F2RL1: variants seen among roughly 807,000 people sequenced by gnomAD.
The protein encoded by F2RL1 is F2R like trypsin receptor 1.
F2RL1 carries 16 observed loss-of-function variants against 21.7 expected under a neutral mutation model. The observed-to-expected ratio is 0.74, with a 90% CI of 0.50 to 1.12. The LOEUF is 1.12. Ranked by LOEUF, F2RL1 falls within the 50% of genes most tolerant of loss-of-function variation. The pLI, the probability that F2RL1 is intolerant of heterozygous loss-of-function variation, is 0.00. For synonymous variants in F2RL1, 181 were observed against 186.7 expected (o/e 0.97, Z 0.25); for missense variants, 432 against 477.8 (o/e 0.90, Z 0.89).
intron 1 of F2RL1, among the ~76,000 whole-genome samples, chr5:76,822,742 C>A (rs1580930685): frequency 6.6e-6 from 1 of 152,148 alleles, no homozygotes; most frequent in South Asian, 2.1e-4. Flanking sequence ...TAGGGAGGGG[C>A]ACCCCACAAT....
chr5:76,824,468 A>G (rs1288061926), intron 1 of F2RL1, among the ~76,000 whole-genome samples: 1 of 151,996 alleles, frequency 6.6e-6, no homozygotes, highest in Non-Finnish European at 1.5e-5. Context: ...AGCTGGGATT[A>G]CAGGTGCCCG....
chr5:76,829,839 A>G (rs1230515742), intron 1 of F2RL1, among the ~76,000 whole-genome samples: 2 of 152,174 alleles, frequency 1.3e-5, no homozygotes, highest in Non-Finnish European at 2.9e-5. Flanking sequence ...TATGTGGAAT[A>G]TGGTTCTTAG....
At position 76,833,372 on chromosome 5, in the gene F2RL1, C is replaced by T. The variant is rs1392119376; in HGVS notation, c.765C>T (p.Ala255=). 1.9e-6 allele frequency: 3 copies of T among 1,614,030 alleles called. No individual in the cohort carries two copies. The part of the protein sequence containing the change: ...SLAIGVFLFP[A]FLTASAYVLM... ...CCATTGGGGTCTTTCTGTTCCCAGC[C>T]TTCCTCACAGCCTCTGCCTATGTGC... The change falls in exon 2 of 2, where the codon GCC becomes GCT. Residue 255 remains alanine, a synonymous_variant. Coordinates refer to ENST00000296677, the MANE Select transcript of F2RL1 (RefSeq NM_005242.6).
chr5:76,820,571 C>T (rs976746142), intron 1 of F2RL1, among the ~76,000 whole-genome samples: 3 of 152,018 alleles, frequency 2.0e-5, no homozygotes, highest in African/African-American at 7.3e-5. Context: ...GTAATGGACA[C>T]CTCTCCTCTA....
chr5:76,819,908 A>T (rs2243073), intron 1 of F2RL1, among the ~76,000 whole-genome samples: 10,465 of 152,158 alleles, frequency 0.069, 516 homozygotes, highest in Non-Finnish European at 0.1. Flanking sequence ...CCGGGGTATG[A>T]AAGTCAGGGC....
At position 76,834,615 on chromosome 5, in the gene F2RL1, C is replaced by A. The variant is rs1750425314; in HGVS notation, c.*814C>A. 1 of 152,170 alleles carries A rather than the reference C, an allele frequency of 6.6e-6. No homozygotes were observed. The highest frequency in any genetic ancestry group is 2.4e-5 in the African/African-American group (1 of 41,446). 9.4% of individuals were successfully genotyped at this position (152,170 alleles called of 1,614,324 possible). ...AGTGAGCCGAGATTGCACCACTGCA[C>A]TCCAGCTTGGGTGATAAAATAAAAT... On this transcript the variant is annotated 3_prime_UTR_variant, in exon 2 of 2. Coordinates refer to ENST00000296677, the MANE Select transcript of F2RL1 (RefSeq NM_005242.6).
rs540878764 is a variant in F2RL1 at position 76,823,203 on chromosome 5, C to T, written c.82+3939C>T. 1.8e-4 allele frequency among the ~76,000 whole-genome samples: 26 copies of T among 145,392 alleles called. No individual in the cohort carries two copies. In the South Asian group the frequency reaches 5.0e-3, roughly 28 times the overall value. On this transcript the variant is annotated intron_variant, in intron 1 of 1. Transcript: ENST00000296677. Reference sequence around the variant, plus strand: ...CGAGATCGTGCCTCTGCACTCCAGCCGGGGCAACAGAGTGAGACTCAGTCT... The same window carrying T: ...CGAGATCGTGCCTCTGCACTCCAGCTGGGGCAACAGAGTGAGACTCAGTCT...
chr5:76,819,734 GATT>G (rs1750094583), intron 1 of F2RL1, among the ~76,000 whole-genome samples: 1 of 152,112 alleles, frequency 6.6e-6, no homozygotes. Context: ...TTAGCGAGCT[GATT>G]GCGCAGGGCA....
chr5:76,822,780 C>G (rs1750162385), intron 1 of F2RL1, among the ~76,000 whole-genome samples: 1 of 151,928 alleles, frequency 6.6e-6, no homozygotes, highest in South Asian at 2.1e-4. Flanking sequence ...AGTCTGTGCT[C>G]CCAAAGATTG....
intron 1 of F2RL1, among the ~76,000 whole-genome samples, chr5:76,824,477 C>T (rs112243185): frequency 0.012 from 1,834 of 152,028 alleles, 48 homozygotes; most frequent in African/African-American, 0.042. Context: ...TACAGGTGCC[C>T]GCCACCACAC....
In F2RL1 at chr5:76,833,664, G is replaced by C. The variant is rs1750400305; in HGVS notation, c.1057G>C (p.Asp353His). 1 of 1,613,888 alleles carries C rather than the reference G, an allele frequency of 6.2e-7. No homozygotes were observed. Residue 353 changes from aspartate to histidine, a missense_variant, in exon 2 of 2, where the codon GAT (aspartate) becomes CAT (histidine). By Grantham distance (81) the Asp-to-His change is moderately conservative. Transcript: ENST00000296677. ...VYYFVSHDFR[D>H]HAKNALLCRS... is the part of the protein sequence containing the mutation. ...TTACTTTGTTTCACATGATTTCAGG[G>C]ATCATGCAAAGAACGCTCTCCTTTG... is the stretch of plus-strand genomic sequence containing the variant.
chr5:76,833,313 G>C lies in F2RL1; in HGVS notation c.706G>C (p.Val236Leu), dbSNP rs375707707. The C allele has an allele frequency of 6.0e-5, 97 of 1,613,866 alleles. No individual in the cohort carries two copies. The highest frequency in any genetic ancestry group is 7.9e-5 in the Non-Finnish European group (93 of 1,180,026). The change falls in exon 2 of 2, where the codon GTG becomes CTG. Residue 236 changes from valine (V) to leucine (L), a missense_variant. Coordinates refer to ENST00000296677, the MANE Select transcript of F2RL1 (RefSeq NM_005242.6). The part of the protein sequence containing the change: ...CHDVLPEQLL[V>L]GDMFNYFLSL... ...TGATGTTTTGCCTGAGCAGCTCTTG[G>C]TGGGAGACATGTTCAATTACTTCCT... is the stretch of plus-strand genomic sequence containing the variant.
intron 1 of F2RL1, among the ~76,000 whole-genome samples, chr5:76,829,662 CTAAGT>C (rs1750316247): frequency 1.3e-5 from 2 of 152,136 alleles, no homozygotes; most frequent in South Asian, 4.1e-4. Context: ...CATTGTCATT[CTAAGT>C]TAAGTGGCCT....
intron 1 of F2RL1, among the ~76,000 whole-genome samples, chr5:76,831,788 A>C (rs545802329): frequency 6.6e-6 from 1 of 152,282 alleles, no homozygotes; most frequent in East Asian, 1.9e-4. Flanking sequence ...TTAGCCTCCC[A>C]AAGTGCTGAG....
chr5:76,831,654 C>T (rs1750351074), intron 1 of F2RL1, among the ~76,000 whole-genome samples: 1 of 151,714 alleles, frequency 6.6e-6, no homozygotes, highest in African/African-American at 2.4e-5. Context: ...CTGCCTCAGC[C>T]TCCCAAGTAG....
intron 1 of F2RL1, among the ~76,000 whole-genome samples, chr5:76,831,470 G>C (rs1320184926): frequency 6.6e-6 from 1 of 151,812 alleles, no homozygotes; most frequent in Admixed American, 6.6e-5. Context: ...ACTGGTGTCA[G>C]GATGGGGATC....
chr5:76,833,333 C>G lies in F2RL1; in HGVS notation c.726C>G (p.Tyr242Ter). The G allele has an allele frequency of 6.2e-7, 1 of 1,614,020 alleles. No individual in the cohort carries two copies. The highest frequency in any genetic ancestry group is 8.5e-7 in the Non-Finnish European group (1 of 1,180,028). Reference protein sequence around the residue: ...EQLLVGDMFNYFLSLAIGVFL... With the variant: ...EQLLVGDMFN The stretch of plus-strand genomic sequence containing the variant: ...TCTTGGTGGGAGACATGTTCAATTA[C>G]TTCCTCTCTCTGGCCATTGGGGTCT... Residue 242 changes from tyrosine to a stop codon, truncating the protein, a stop_gained, in exon 2 of 2, where the codon TAC (tyrosine) becomes TAG (stop). Coordinates refer to ENST00000296677, the MANE Select transcript of F2RL1 (RefSeq NM_005242.6). LOFTEE classifies it high-confidence loss of function.
intron 1 of F2RL1, among the ~76,000 whole-genome samples, chr5:76,822,497 C>T (rs1449447572): frequency 1.3e-5 from 2 of 152,164 alleles, no homozygotes; most frequent in African/African-American, 4.8e-5. Context: ...GGATTATAGG[C>T]ATGAGCCACC....
At chr5:76,832,000 C>G (rs1750356959) in intron 1 of F2RL1, among the ~76,000 whole-genome samples, 1 of 150,114 alleles carries the variant, frequency 6.7e-6, no homozygotes, top group Admixed American at 6.6e-5. Flanking sequence ...ATAGCAAGAC[C>G]CCATCTCTAA....
Sources: allele counts gnomAD v4.1 joint callset (sites outside exome capture counted in the v4.1 genomes callset), GRCh38; gene constraint gnomAD v4.1.1; transcripts MANE v1.5; gene names NCBI Gene and HGNC (gene_info 2026-07-23, HGNC 2026-07-21).